Variants in SNTG1 observed in about 807,000 individuals in gnomAD.
The protein encoded by SNTG1 is gamma-1-syntrophin.
In SNTG1, 39 loss-of-function variants were observed where a neutral mutation model predicts 74.7. The observed-to-expected ratio is 0.52, with a 90% CI of 0.40 to 0.68. The LOEUF (loss-of-function observed/expected upper bound fraction) is 0.68. SNTG1 is among the 30% of genes least tolerant of loss of function. SNTG1 has a pLI of 0.00. For synonymous variants in SNTG1, 254 were observed against 217.1 expected (o/e 1.17, Z -1.49); for missense variants, 685 against 609.5 (o/e 1.12, Z -1.30).
intron 1 of SNTG1, among the ~76,000 whole-genome samples, chr8:50,059,971 G>T (rs1227354746): frequency 2.0e-5 from 3 of 152,088 alleles, no homozygotes; most frequent in Non-Finnish European, 4.4e-5. Context: ...ACCTGCAGTA[G>T]ATGAGTGTTC....
intron 1 of SNTG1, among the ~76,000 whole-genome samples, chr8:50,063,352 G>T (rs1238983776): frequency 6.6e-6 from 1 of 152,166 alleles, no homozygotes; most frequent in Non-Finnish European, 1.5e-5. Context: ...TGTCACAATG[G>T]CAATTTACTG....
intron 1 of SNTG1, among the ~76,000 whole-genome samples, chr8:50,106,695 T>C (rs1029690212): frequency 1.3e-5 from 2 of 152,202 alleles, no homozygotes; most frequent in Non-Finnish European, 2.9e-5. Context: ...GTTTTCTTTA[T>C]GTGATATGAA....
intron 4 of SNTG1, among the ~76,000 whole-genome samples, chr8:50,432,979 G>A (rs962263659): frequency 7.0e-6 from 1 of 143,700 alleles, no homozygotes; most frequent in East Asian, 1.9e-4. Flanking sequence ...AGTAGAGATG[G>A]GGGTTTCACC....
At chr8:50,656,812 C>A in intron 13 of SNTG1, 97 bp from the exon 14 acceptor site, 1 of 813,286 alleles carries the variant, frequency 1.2e-6, no homozygotes, top group Non-Finnish European at 1.9e-6. Flanking sequence ...ATGAAAAATA[C>A]CTAAAATATT....
intron 1 of SNTG1, among the ~76,000 whole-genome samples, chr8:50,101,240 A>T (rs1319795830): frequency 6.6e-6 from 1 of 152,138 alleles, no homozygotes; most frequent in Non-Finnish European, 1.5e-5. Context: ...TGCAATGAAC[A>T]TACACATGCG....
intron 1 of SNTG1, among the ~76,000 whole-genome samples, chr8:49,967,056 AT>A (rs1811207588): frequency 6.6e-6 from 1 of 152,182 alleles, no homozygotes; most frequent in Non-Finnish European, 1.5e-5. Context: ...AATGCCAGGA[AT>A]AATAACAATA....
chr8:50,084,120 C>A (rs1301926406), intron 1 of SNTG1, among the ~76,000 whole-genome samples: 1 of 152,070 alleles, frequency 6.6e-6, no homozygotes, highest in Admixed American at 6.6e-5. Flanking sequence ...TGGTTCATGT[C>A]GGGGGAAATG....
At chr8:50,522,265 A>G (rs1171311639) in intron 9 of SNTG1, among the ~76,000 whole-genome samples, 1 of 152,030 alleles carries the variant, frequency 6.6e-6, no homozygotes, top group Non-Finnish European at 1.5e-5. Flanking sequence ...CATTGTCAGT[A>G]AGCAGTGATT....
intron 9 of SNTG1, among the ~76,000 whole-genome samples, chr8:50,508,166 G>A (rs1226170838): frequency 6.6e-6 from 1 of 152,182 alleles, no homozygotes; most frequent in East Asian, 1.9e-4. Context: ...AGAACAAGCA[G>A]TGTTTGGTTT....
intron 8 of SNTG1, among the ~76,000 whole-genome samples, chr8:50,501,443 T>TG (rs2093953325): frequency 1.5e-5 from 2 of 134,566 alleles, no homozygotes; most frequent in Non-Finnish European, 3.2e-5. Flanking sequence ...TTTTTTTTTT[T>TG]TTTTTTTTTT....
At chr8:50,668,274 T>C (rs764196512) in intron 15 of SNTG1, among the ~76,000 whole-genome samples, 1 of 151,990 alleles carries the variant, frequency 6.6e-6, no homozygotes, top group Non-Finnish European at 1.5e-5. Context: ...TTATATAAAG[T>C]ACTTATTTCC....
At chr8:49,936,753 G>A (rs1808114383) in intron 1 of SNTG1, among the ~76,000 whole-genome samples, 1 of 152,134 alleles carries the variant, frequency 6.6e-6, no homozygotes, top group African/African-American at 2.4e-5. Flanking sequence ...CAAGTGAAGA[G>A]CAAACATGGT....
chr8:50,400,577 C>T (rs150108888), intron 3 of SNTG1, among the ~76,000 whole-genome samples: 769 of 152,258 alleles, frequency 5.1e-3, no homozygotes, highest in Non-Finnish European at 8.2e-3. Context: ...AATCTTCATA[C>T]TGTTTTCTTT....
chr8:50,258,607 A>C (rs1168363993), intron 2 of SNTG1, among the ~76,000 whole-genome samples: 1 of 152,206 alleles, frequency 6.6e-6, no homozygotes, highest in African/African-American at 2.4e-5. Flanking sequence ...GAACTAAGTG[A>C]AAATTCTAGA....
intron 18 of SNTG1, among the ~76,000 whole-genome samples, chr8:50,784,436 A>G (rs751905419): frequency 2.0e-5 from 3 of 152,228 alleles, no homozygotes; most frequent in Non-Finnish European, 4.4e-5. Flanking sequence ...AATTGTTTCA[A>G]GATACTAAAA....
At chr8:50,724,021 A>G (rs2095494010) in intron 17 of SNTG1, among the ~76,000 whole-genome samples, 1 of 152,210 alleles carries the variant, frequency 6.6e-6, no homozygotes, top group South Asian at 2.1e-4. Context: ...TAAGGAGGGC[A>G]GGGTGAGGAA....
At chr8:50,661,636 C>T (rs1356918961) in intron 15 of SNTG1, among the ~76,000 whole-genome samples, 2 of 152,030 alleles carry the variant, frequency 1.3e-5, no homozygotes, top group Admixed American at 1.3e-4. Flanking sequence ...TGCACCTATC[C>T]ACCCATCATC....
chr8:50,222,106 C>T (rs2085100496), intron 2 of SNTG1, among the ~76,000 whole-genome samples: 1 of 152,096 alleles, frequency 6.6e-6, no homozygotes, highest in African/African-American at 2.4e-5. Flanking sequence ...AGGCAAAAGC[C>T]TGCAAAAGCC....
At chr8:49,954,970 T>G (rs1005110279) in intron 1 of SNTG1, among the ~76,000 whole-genome samples, 1 of 152,210 alleles carries the variant, frequency 6.6e-6, no homozygotes, top group Non-Finnish European at 1.5e-5. Flanking sequence ...TGGTCTGTTA[T>G]CAATGACTCA....
Sources: gnomAD v4.1 joint callset for allele counts (sites outside exome capture counted in the v4.1 genomes callset) on GRCh38, gnomAD v4.1.1 for gene constraint, MANE v1.5 for transcripts, NCBI Gene and HGNC (gene_info 2026-07-23, HGNC 2026-07-21) for gene names.